The following COPA variants were observed in gnomAD, a reference collection of about 807,000 sequenced individuals.
COPA encodes coat protein complex I subunit alpha.
COPA carries 10 observed loss-of-function variants against 158.7 expected under a neutral mutation model. The ratio of observed to expected loss-of-function variants is 0.06; its 90% CI spans 0.04 to 0.11. The LOEUF (loss-of-function observed/expected upper bound fraction) is 0.11. Ranked by LOEUF, COPA falls within the 10% of genes least tolerant of loss-of-function variation. The pLI is 1.00. For synonymous variants in COPA, 462 were observed against 542.8 expected (o/e 0.85, Z 2.07); for missense variants, 1,065 against 1,536.7 (o/e 0.69, Z 5.13).
intron 5 of COPA, chr1:160,333,357 A>T: frequency 2.6e-6 from 1 of 385,504 alleles, no homozygotes; most frequent in Admixed American, 4.3e-5. Flanking sequence ...AACCAGCTAA[A>T]AGTTCTTGTT....
At chr1:160,337,373 C>A (rs1343347854) in intron 3 of COPA, among the ~76,000 whole-genome samples, 1 of 152,156 alleles carries the variant, frequency 6.6e-6, no homozygotes, top group Non-Finnish European at 1.5e-5. Flanking sequence ...TAGATAATCC[C>A]CCTTTTTATG....
chr1:160,307,703 T>C (rs1004021772), intron 13 of COPA, among the ~76,000 whole-genome samples: 4 of 152,198 alleles, frequency 2.6e-5, no homozygotes, highest in Admixed American at 6.5e-5. Context: ...CAACTAAATC[T>C]TGACAGGAGA....
chr1:160,315,684 T>C (rs1016826182), intron 8 of COPA, among the ~76,000 whole-genome samples: 1 of 152,172 alleles, frequency 6.6e-6, no homozygotes, highest in Non-Finnish European at 1.5e-5. Context: ...AAAACTGGAA[T>C]AAGTAACTAA....
chr1:160,321,323 A>G (rs1557871113), intron 8 of COPA, among the ~76,000 whole-genome samples: 1 of 152,190 alleles, frequency 6.6e-6, no homozygotes, highest in African/African-American at 2.4e-5. Flanking sequence ...ATTCGACAAA[A>G]CACTAGAAGT....
In COPA at chr1:160,291,896, T is replaced by C. The variant is rs141984877; in HGVS notation, c.3181A>G (p.Ile1061Val). Residue 1061 changes from isoleucine (I) to valine (V), a missense_variant, in exon 30 of 33, where the codon ATT (isoleucine) becomes GTT (valine). This residue lies in a region of COPA where 980 missense variants were observed against 1,357.8 expected (regional missense o/e 0.72). Transcript: ENST00000241704. Reference sequence around the variant, plus strand: ...TCTGTCTCCACGGACAAACCCACAATGTACTCACGGCAAATGGTGATGAGC... The same window carrying C: ...TCTGTCTCCACGGACAAACCCACAACGTACTCACGGCAAATGGTGATGAGC... ...QQLITICREY[I>V]VGLSVETERK... 6 of 1,613,934 alleles carry C rather than the reference T, an allele frequency of 3.7e-6. No individual in the cohort carries two copies. Among genetic ancestry groups the C allele is most frequent in the African/African-American group, 2.7e-5 (2 of 74,860 alleles).
intron 8 of COPA, among the ~76,000 whole-genome samples, 192 bp from the exon 9 acceptor site, chr1:160,314,317 C>T (rs1212782621): frequency 2.0e-5 from 3 of 151,864 alleles, no homozygotes. Flanking sequence ...TCATTCTGAC[C>T]CTCTTATTGA....
intron 8 of COPA, among the ~76,000 whole-genome samples, chr1:160,316,821 A>G (rs1420117497): frequency 1.3e-5 from 2 of 152,174 alleles, no homozygotes; most frequent in Non-Finnish European, 2.9e-5. Context: ...AAGCTTATTC[A>G]AAGAAATAAT....
At chr1:160,331,900 A>G (rs1032202501) in intron 6 of COPA, among the ~76,000 whole-genome samples, 14 of 152,082 alleles carry the variant, frequency 9.2e-5, no homozygotes, top group African/African-American at 3.4e-4. Context: ...AGCCAAGATC[A>G]TCACACCACT....
intron 3 of COPA, among the ~76,000 whole-genome samples, chr1:160,337,433 G>A (rs1317505168): frequency 8.5e-5 from 13 of 152,098 alleles, no homozygotes; most frequent in African/African-American, 2.4e-4. Context: ...TAAAACCACC[G>A]AATGGGCCGG....
intron 17 of COPA, among the ~76,000 whole-genome samples, chr1:160,300,281 C>T (rs562889005): frequency 1.9e-4 from 29 of 151,316 alleles, no homozygotes; most frequent in Admixed American, 7.9e-4. Flanking sequence ...CGGAGGTTGC[C>T]GTGAGCCGAG....
In COPA at chr1:160,309,087, A is replaced by G; in HGVS notation, c.1219+14T>C. 6.2e-7 allele frequency: 1 copy of G among 1,609,638 alleles called. No homozygotes were observed. Among genetic ancestry groups the G allele is most frequent in the South Asian group, 1.1e-5 (1 of 90,988 alleles). ...AGCTGGAAGCAGAGTGGGGTAGACA[A>G]AAAGAACACTTACCATCAGGATTCT... On this transcript the variant is annotated intron_variant, in intron 13 of 32. Coordinates refer to ENST00000241704, the MANE Select transcript of COPA (RefSeq NM_004371.4).
At chr1:160,323,933 C>T (rs1305084198) in intron 7 of COPA, among the ~76,000 whole-genome samples, 1 of 151,682 alleles carries the variant, frequency 6.6e-6, no homozygotes, top group Non-Finnish European at 1.5e-5. Flanking sequence ...ACGATCTCAG[C>T]TCACTGCAAC....
chr1:160,306,523 A>G (rs747121804), intron 14 of COPA, 30 bp from the exon 15 acceptor site: 4 of 1,613,458 alleles, frequency 2.5e-6, no homozygotes, highest in Non-Finnish European at 3.4e-6. Flanking sequence ...TGGGGTTAAG[A>G]GAAGAAATGT....
intron 6 of COPA, 92 bp from the exon 7 acceptor site, chr1:160,325,744 G>C: frequency 1.1e-6 from 1 of 897,250 alleles, no homozygotes; most frequent in Non-Finnish European, 1.8e-6. Context: ...CAGTGAAAAA[G>C]AAAAGAAAAA....
At position 160,340,192 on chromosome 1, in the gene COPA, T is replaced by A. The variant is rs756952972; in HGVS notation, c.143A>T (p.Asp48Val). ...YRMCTLIDKFDEHDGPVRGID... is the reference protein window; with the variant it reads ...YRMCTLIDKFVEHDGPVRGID... ...TAGAAATATCTCACCATCATGTTCA[T>A]CAAACTTGTCAATGAGAGTGCACAT... The change falls in exon 2 of 33, where the codon GAT becomes GTT. Residue 48 changes from aspartate (D) to valine (V), a missense_variant. This residue lies in a region of COPA where 85 missense variants were observed against 178.9 expected (regional missense o/e 0.48). Transcript: ENST00000241704. 6.2e-7 allele frequency: 1 copy of A among 1,610,176 alleles called. No homozygotes were observed. Among genetic ancestry groups the A allele is most frequent in the Middle Eastern group, 1.7e-4 (1 of 6,052 alleles).
intron 5 of COPA, 145 bp downstream of exon 5, chr1:160,333,458 C>T (rs1647622345): frequency 1.8e-6 from 1 of 545,676 alleles, no homozygotes; most frequent in Admixed American, 3.5e-5. Context: ...TTATTTTGCA[C>T]TTAAAAGCAT....
intron 17 of COPA, among the ~76,000 whole-genome samples, chr1:160,299,771 C>T (rs1315403024): frequency 6.6e-6 from 1 of 152,144 alleles, no homozygotes; most frequent in East Asian, 1.9e-4. Context: ...TTGGGTTCTA[C>T]ATGCATATAT....
At chr1:160,339,217 C>G (rs1647926770) in intron 3 of COPA, among the ~76,000 whole-genome samples, 1 of 130,890 alleles carries the variant, frequency 7.6e-6, no homozygotes. Context: ...TAAATTCTCA[C>G]ATCCATCTCC....
At chr1:160,293,765 G>C (rs2101823209) in intron 25 of COPA, among the ~76,000 whole-genome samples, 1 of 152,226 alleles carries the variant, frequency 6.6e-6, no homozygotes, top group African/African-American at 2.4e-5. Flanking sequence ...CAAAGTGCTA[G>C]CATTACAGGC....
Sources: allele counts gnomAD v4.1 joint callset (sites outside exome capture counted in the v4.1 genomes callset), GRCh38; gene constraint gnomAD v4.1.1; regional missense constraint gnomAD v4.1.1; transcripts MANE v1.5; gene names NCBI Gene and HGNC (gene_info 2026-07-23, HGNC 2026-07-21).